The following MSLN variants were observed in gnomAD, a reference collection of about 807,000 sequenced individuals.
The protein encoded by MSLN is CAK1 antigen.
A neutral mutation model predicts 72.6 loss-of-function variants in MSLN; 82 were observed. That is an observed-to-expected ratio of 1.13 (90% CI 0.94 to 1.36). The LOEUF is 1.36. MSLN is among the 40% of genes most tolerant of loss of function. The pLI, the probability that MSLN is intolerant of heterozygous loss-of-function variation, is 0.00. For synonymous variants in MSLN, 456 were observed against 387.3 expected, an observed-to-expected ratio of 1.18 and a Z score of -2.08; for missense variants, 1,005 against 847.9, an observed-to-expected ratio of 1.19 and a Z score of -2.30.
At chr16:763,950 G>A (rs910750515) in intron 5 of MSLN, 73 bp from the exon 6 acceptor site, 21 of 1,573,096 alleles carry the variant, frequency 1.3e-5, no homozygotes, top group African/African-American at 5.4e-5. Flanking sequence ...TGGGGCTGTG[G>A]GGCTTGGGGA....
Position 766,067 on chromosome 16 carries a change from T to A in MSLN, c.904T>A (p.Cys302Ser). The A allele has an allele frequency of 6.2e-7, 1 of 1,609,954 alleles. No individual in the cohort carries two copies. ...ACCCCTGTGCCCTGCAGAGACAGCC[T>A]GTCCTTCAGGCAAGAAGGCCCGCGA... ...RFRREVEKTA[C>S]PSGKKAREID... Residue 302 changes from cysteine (C) to serine (S), a missense_variant, in exon 12 of 18, where the codon TGT becomes AGT. Physicochemically the swap from Cys to Ser is moderately radical, Grantham distance 112 (BLOSUM62 -1). Transcript: ENST00000545450.
intron 7 of MSLN, 37 bp from the exon 8 acceptor site, chr16:764,870 A>T: frequency 1.9e-6 from 3 of 1,605,812 alleles, no homozygotes; most frequent in Non-Finnish European, 2.5e-6. Context: ...GACGGGTGTG[A>T]TCAGTGCGGC....
At position 765,770 on chromosome 16, in the gene MSLN, G is replaced by T. The variant is rs767192304; in HGVS notation, c.875G>T (p.Arg292Leu). The T allele has an allele frequency of 1.3e-6, 2 of 1,599,556 alleles. No homozygotes were observed. The highest frequency in any genetic ancestry group is 1.7e-6 in the Non-Finnish European group (2 of 1,179,626). The change falls in exon 11 of 18, where the codon CGG (arginine) becomes CTG (leucine). Residue 292 changes from arginine to leucine, a missense_variant. Physicochemically the swap from Arg to Leu is moderately radical, Grantham distance 102. Coordinates refer to ENST00000545450, the MANE Select transcript of MSLN (RefSeq NM_005823.6). ...RQPERTILRP[R>L]FRREVEKTAC... ...CCTGAACGGACCATCCTCCGGCCGC[G>T]GTTCCGGCGGGAAGTGGAGAGTGAG...
intron 15 of MSLN, 47 bp downstream of exon 15, chr16:767,059 G>C (rs776018505): frequency 1.2e-6 from 2 of 1,610,182 alleles, no homozygotes; most frequent in Admixed American, 3.3e-5. Context: ...AACGGGGGAA[G>C]CACAGACTCC....
intron 5 of MSLN, 146 bp from the exon 6 acceptor site, chr16:763,877 T>C: frequency 1.2e-6 from 1 of 858,686 alleles, no homozygotes; most frequent in African/African-American, 3.2e-5. Context: ...TCCCGGCCCT[T>C]GAGGGCGTCA....
rs781541189 is a variant in MSLN, at chr16:768,842, G to A, written c.*109G>A. ...CAAGAGAACTCGCGCTCAGTAAACG[G>A]GAACATGCCCCCTGCAGACACGTCT... is the stretch of plus-strand genomic sequence containing the variant. On this transcript the variant is annotated 3_prime_UTR_variant, in exon 18 of 18. Coordinates refer to ENST00000545450, the MANE Select transcript of MSLN (RefSeq NM_005823.6). 1 of 1,039,940 alleles carries A rather than the reference G, an allele frequency of 9.6e-7. No individual in the cohort carries two copies. The highest frequency in any genetic ancestry group is 1.4e-6 in the Non-Finnish European group (1 of 691,706). 64.4% of individuals were successfully genotyped at this position (1,039,940 alleles called of 1,614,324 possible). A position where few individuals can be genotyped will look rare whatever the true frequency, so the allele number is the denominator to read the frequency against.
chr16:761,785 C>T (rs2041539847), intron 2 of MSLN, among the ~76,000 whole-genome samples: 1 of 152,222 alleles, frequency 6.6e-6, no homozygotes, highest in Non-Finnish European at 1.5e-5. Context: ...GCAGGCTCTG[C>T]CTGTGGATGG....
In MSLN at chr16:765,287, G is replaced by T; in HGVS notation, c.688G>T (p.Gly230Trp). The T allele has an allele frequency of 6.3e-7, 1 of 1,578,760 alleles. No homozygotes were observed. Among genetic ancestry groups the T allele is most frequent in the East Asian group, 2.3e-5 (1 of 44,072 alleles). Residue 230 changes from glycine (G) to tryptophan (W), a missense_variant, in exon 9 of 18, where the codon GGG becomes TGG. Coordinates refer to ENST00000545450, the MANE Select transcript of MSLN (RefSeq NM_005823.6). ...QEAARAALQGGGPPYGPPSTW... is the reference protein window; with the variant it reads ...QEAARAALQGWGPPYGPPSTW... ...GGCAGCCAGGGCGGCTCTGCAGGGC[G>T]GGGGACCCCCCTACGGGTAAGTGAA...
rs745571506 is a variant in MSLN, at chr16:764,974, G to T, written c.448G>T (p.Asp150Tyr). 3 of 1,612,322 alleles carry T rather than the reference G, an allele frequency of 1.9e-6. No individual in the cohort carries two copies. In the African/African-American group the frequency reaches 4.0e-5, roughly 22 times the overall value. Reference protein sequence around the residue: ...FFSRITKANVDLLPRGAPERQ... With the variant: ...FFSRITKANVYLLPRGAPERQ... Reference sequence around the variant, plus strand: ...CTCCCGCATCACGAAGGCCAATGTGGACCTGCTCCCGAGGGGGGCTCCCGA... The same window carrying T: ...CTCCCGCATCACGAAGGCCAATGTGTACCTGCTCCCGAGGGGGGCTCCCGA... Residue 150 changes from aspartate (D) to tyrosine (Y), a missense_variant, in exon 8 of 18, where the codon GAC becomes TAC. Transcript: ENST00000545450.
In MSLN at chr16:765,107, C is replaced by T. The variant is rs769935824; in HGVS notation, c.511-3C>T. On this transcript the variant is annotated splice_region_variant and splice_polypyrimidine_tract_variant and intron_variant, in intron 8 of 17. Transcript: ENST00000545450. Reference sequence around the variant, plus strand: ...AAAAGCGCTGAGGCCAGCCTCTCTGCAGGGTGTGCGGGGGTCTCTGCTGAG... The same window carrying T: ...AAAAGCGCTGAGGCCAGCCTCTCTGTAGGGTGTGCGGGGGTCTCTGCTGAG... 3 of 1,604,762 alleles carry T rather than the reference C, an allele frequency of 1.9e-6. No homozygotes were observed. Among genetic ancestry groups the T allele is most frequent in the Non-Finnish European group, 1.7e-6 (2 of 1,177,210 alleles).
intron 9 of MSLN, 29 bp downstream of exon 9, chr16:765,332 G>C (rs538512250): frequency 3.9e-6 from 6 of 1,526,692 alleles, no homozygotes; most frequent in East Asian, 4.7e-5. Context: ...AACCTCGAAG[G>C]CTCACCTGGC....
rs1286583705 is a variant in MSLN, at chr16:766,348, G to T, written c.1088G>T (p.Gly363Val). ...CTTGGCCTGCAGCTCTACCCACAAGGTTACCCCGAGTCTGTGATCCAGCAC... is the reference window on the plus strand; with the variant it reads ...CTTGGCCTGCAGCTCTACCCACAAGTTTACCCCGAGTCTGTGATCCAGCAC... ...KHKLDELYPQ[G>V]YPESVIQHLG... Residue 363 changes from glycine to valine, a missense_variant, in exon 13 of 18, where the codon GGT becomes GTT. By Grantham distance (109) the Gly-to-Val change is moderately radical. Transcript: ENST00000545450. 1.2e-6 allele frequency: 2 copies of T among 1,612,652 alleles called. No individual in the cohort carries two copies. Among genetic ancestry groups the T allele is most frequent in the Non-Finnish European group, 1.7e-6 (2 of 1,179,916 alleles).
At chr16:765,411 A>G (rs1432728751) in intron 9 of MSLN, 108 bp downstream of exon 9, 14 of 1,413,196 alleles carry the variant, frequency 9.9e-6, no homozygotes, top group Middle Eastern at 2.2e-4. Context: ...CACCCCCGCC[A>G]CCACCCCTGC....
In MSLN at chr16:768,531, C is replaced by T; in HGVS notation, c.1749C>T (p.Pro583=). Residue 583 remains proline (P), a synonymous_variant, in exon 17 of 18, where the codon CCC becomes CCT. Transcript: ENST00000545450. ...GGCTGGGGCTACAGGGCGGCATCCC[C>T]AACGGCTACCTGGTCCTAGACCTCA... ...TLGLGLQGGI[P]NGYLVLDLSM... is the part of the protein sequence containing the mutation. 2 of 1,601,438 alleles carry T rather than the reference C, an allele frequency of 1.2e-6. No individual in the cohort carries two copies. Among genetic ancestry groups the T allele is most frequent in the Non-Finnish European group, 1.7e-6 (2 of 1,173,418 alleles).
At chr16:765,490 G>T (rs764425805) in intron 9 of MSLN, 37 bp from the exon 10 acceptor site, 1 of 1,568,900 alleles carries the variant, frequency 6.4e-7, no homozygotes, top group Non-Finnish European at 8.6e-7. Context: ...GGGGCTGCAC[G>T]TGGGGGGTCC....
At chr16:763,989 C>T (rs769906677) in intron 5 of MSLN, 34 bp from the exon 6 acceptor site, 16 of 1,591,216 alleles carry the variant, frequency 1.0e-5, no homozygotes, top group South Asian at 2.2e-5. Flanking sequence ...AGGGGAGGGG[C>T]GATCGTGGGT....
In MSLN at chr16:766,429, C is replaced by T. The variant is rs143409981; in HGVS notation, c.1169C>T (p.Thr390Met). The T allele has an allele frequency of 8.2e-5, 132 of 1,612,706 alleles. No individual in the cohort carries two copies. The highest frequency in any genetic ancestry group is 1.7e-4 in the Middle Eastern group (1 of 6,060). The change falls in exon 13 of 18, where the codon ACG becomes ATG. Residue 390 changes from threonine (T) to methionine (M), a missense_variant. By Grantham distance (81) the Thr-to-Met change is moderately conservative. Transcript: ENST00000545450. ...GAGGACATTCGCAAGTGGAATGTGACGTCCCTGGAGACCCTGAAGGCTTTG... is the reference window on the plus strand; with the variant it reads ...GAGGACATTCGCAAGTGGAATGTGATGTCCCTGGAGACCCTGAAGGCTTTG... ...SPEDIRKWNV[T>M]SLETLKALLE... is the part of the protein sequence containing the mutation.
rs1375362983 is a variant in MSLN, at chr16:763,289, C to A, written c.129+13C>A. ...AGAGACAGGGCAGGTAAGGTCCCCT[C>A]TGGGGAAACAGGGGAGGGTCTTCAG... On this transcript the variant is annotated intron_variant, in intron 4 of 17. Coordinates refer to ENST00000545450, the MANE Select transcript of MSLN (RefSeq NM_005823.6). 1 of 1,540,592 alleles carries A rather than the reference C, an allele frequency of 6.5e-7. No individual in the cohort carries two copies. The highest frequency in any genetic ancestry group is 8.7e-7 in the Non-Finnish European group (1 of 1,143,466).
chr16:767,197 C>T (rs555271612), intron 15 of MSLN, among the ~76,000 whole-genome samples, 179 bp from the exon 16 acceptor site: 285 of 152,072 alleles, frequency 1.9e-3, no homozygotes, highest in Middle Eastern at 3.4e-3. Context: ...CAGCTCGGGG[C>T]GCCAGCCACC....
Sources: gnomAD v4.1 joint callset for allele counts (sites outside exome capture counted in the v4.1 genomes callset) on GRCh38, gnomAD v4.1.1 for gene constraint, MANE v1.5 for transcripts, NCBI Gene and HGNC (gene_info 2026-07-23, HGNC 2026-07-21) for gene names.